The following PPARGC1A variants were observed in gnomAD, a reference collection of about 807,000 sequenced individuals.
The protein encoded by PPARGC1A is peroxisome proliferator-activated receptor gamma coactivator 1-alpha.
PPARGC1A carries 25 observed loss-of-function variants against 88.7 expected under a neutral mutation model. That is an observed-to-expected ratio of 0.28 (90% CI 0.21 to 0.39). PPARGC1A has a LOEUF of 0.39. PPARGC1A is among the 10% of genes least tolerant of loss of function. The pLI is 1.00. For synonymous variants in PPARGC1A, 363 were observed against 355.6 expected (o/e 1.02, Z -0.24); for missense variants, 880 against 968.7 (o/e 0.91, Z 1.22).
chr4:24,217,522 G>A, the PPARGC1A span, among the ~76,000 whole-genome samples: 1 of 152,158 alleles, frequency 6.6e-6, no homozygotes, highest in Non-Finnish European at 1.5e-5. Flanking sequence ...GAACATGGAG[G>A]CTAGGCATGG....
chr4:24,060,363 G>A, the PPARGC1A span, among the ~76,000 whole-genome samples: 1 of 152,144 alleles, frequency 6.6e-6, no homozygotes, highest in African/African-American at 2.4e-5. Flanking sequence ...GCAGCTTACT[G>A]CAATAATACC....
the PPARGC1A span, among the ~76,000 whole-genome samples, chr4:24,190,858 T>C: frequency 6.6e-6 from 1 of 152,204 alleles, no homozygotes; most frequent in South Asian, 2.1e-4. Context: ...TGGACTACGA[T>C]AAACAGCTGC....
chr4:23,867,523 T>C (rs1457963331), intron 2 of PPARGC1A, among the ~76,000 whole-genome samples: 1 of 152,220 alleles, frequency 6.6e-6, no homozygotes, highest in Non-Finnish European at 1.5e-5. Context: ...AAAAGATAAC[T>C]CACCAGCTTT....
At chr4:24,076,753 G>A in the PPARGC1A span, among the ~76,000 whole-genome samples, 1 of 152,050 alleles carries the variant, frequency 6.6e-6, no homozygotes, top group Non-Finnish European at 1.5e-5. Context: ...ACCTAGTGAC[G>A]TTTGAATATG....
chr4:23,834,350 G>A (rs1725629483), intron 2 of PPARGC1A, among the ~76,000 whole-genome samples: 1 of 151,758 alleles, frequency 6.6e-6, no homozygotes, highest in Non-Finnish European at 1.5e-5. Context: ...TTAGCTGGGT[G>A]TGGTAGCACA....
the PPARGC1A span, among the ~76,000 whole-genome samples, chr4:24,460,124 A>G: frequency 6.6e-5 from 10 of 152,252 alleles, no homozygotes; most frequent in African/African-American, 2.4e-4. Context: ...AATTGGTTAC[A>G]GTGGATGCAA....
chr4:24,327,994 A>T, the PPARGC1A span, among the ~76,000 whole-genome samples: 1 of 151,934 alleles, frequency 6.6e-6, no homozygotes, highest in East Asian at 1.9e-4. Context: ...AAGCTCCCCC[A>T]CTGAGCACCT....
At chr4:24,069,879 G>A in the PPARGC1A span, among the ~76,000 whole-genome samples, 3 of 152,140 alleles carry the variant, frequency 2.0e-5, no homozygotes, top group Non-Finnish European at 4.4e-5. Flanking sequence ...AAGTTTACAA[G>A]TGGCTTTAGT....
At chr4:24,277,298 T>C in the PPARGC1A span, among the ~76,000 whole-genome samples, 596 of 152,224 alleles carry the variant, frequency 3.9e-3, 18 homozygotes, top group East Asian at 0.094. Flanking sequence ...AGGCTGCACA[T>C]GTAGACTTTG....
chr4:24,394,649 C>A, the PPARGC1A span, among the ~76,000 whole-genome samples: 22 of 152,212 alleles, frequency 1.4e-4, no homozygotes, highest in African/African-American at 5.3e-4. Context: ...CGCTTGCACG[C>A]TGTATGTTTT....
chr4:24,125,351 C>T, the PPARGC1A span, among the ~76,000 whole-genome samples: 1 of 152,114 alleles, frequency 6.6e-6, no homozygotes, highest in Non-Finnish European at 1.5e-5. Flanking sequence ...GGCTCTCTCC[C>T]CATCTGCTTC....
At chr4:23,835,919 A>G (rs1315901851) in intron 2 of PPARGC1A, among the ~76,000 whole-genome samples, 1 of 152,154 alleles carries the variant, frequency 6.6e-6, no homozygotes, top group Non-Finnish European at 1.5e-5. Flanking sequence ...GTCACTTCCC[A>G]TTATTGCTTT....
chr4:24,320,409 A>T, the PPARGC1A span, among the ~76,000 whole-genome samples: 2 of 152,204 alleles, frequency 1.3e-5, no homozygotes, highest in Admixed American at 1.3e-4. Flanking sequence ...TTACTTGGCC[A>T]AGTCCAAAGG....
At chr4:24,271,385 C>CT in the PPARGC1A span, among the ~76,000 whole-genome samples, 17 of 150,980 alleles carry the variant, frequency 1.1e-4, no homozygotes, top group Non-Finnish European at 1.8e-4. Flanking sequence ...TGTCCTTTTA[C>CT]TTTTTTTTTT....
At chr4:23,941,943 A>T in the PPARGC1A span, among the ~76,000 whole-genome samples, 1 of 152,184 alleles carries the variant, frequency 6.6e-6, no homozygotes, top group Admixed American at 6.5e-5. Flanking sequence ...AATATCTGCC[A>T]TCATTTCAGA....
At chr4:24,031,823 T>C in the PPARGC1A span, among the ~76,000 whole-genome samples, 2 of 152,158 alleles carry the variant, frequency 1.3e-5, no homozygotes, top group Non-Finnish European at 2.9e-5. Context: ...TCTCCAGTGG[T>C]AGGATGCACA....
At chr4:24,423,951 C>A in the PPARGC1A span, among the ~76,000 whole-genome samples, 1 of 152,234 alleles carries the variant, frequency 6.6e-6, no homozygotes, top group African/African-American at 2.4e-5. Flanking sequence ...TTTTTGGCAC[C>A]TTTTCTAGAT....
At chr4:24,369,615 A>G in the PPARGC1A span, among the ~76,000 whole-genome samples, 2 of 152,202 alleles carry the variant, frequency 1.3e-5, no homozygotes, top group Non-Finnish European at 2.9e-5. Context: ...AAAGAAATAT[A>G]AAACATCAAA....
chr4:23,953,613 T>C, the PPARGC1A span, among the ~76,000 whole-genome samples: 1 of 152,112 alleles, frequency 6.6e-6, no homozygotes, highest in Non-Finnish European at 1.5e-5. Context: ...CTCATTGCGC[T>C]GAACATTCAA....
Sources: allele counts gnomAD v4.1 joint callset (sites outside exome capture counted in the v4.1 genomes callset), GRCh38; gene constraint gnomAD v4.1.1; transcripts MANE v1.5; gene names NCBI Gene and HGNC (gene_info 2026-07-23, HGNC 2026-07-21).